SPECC1: variants seen among roughly 807,000 people sequenced by gnomAD.
SPECC1 encodes sperm antigen with calponin homology and coiled-coil domains 1, also known as cytospin-B.
A neutral mutation model predicts 104.1 loss-of-function variants in SPECC1; 62 were observed. That is an observed-to-expected ratio of 0.60 (90% CI 0.49 to 0.74). The LOEUF is 0.74. Among genes scored for constraint, SPECC1 ranks in the 30% least tolerant of loss-of-function variants. SPECC1 has a pLI of 0.00. For synonymous variants in SPECC1, 513 were observed against 501.6 expected (o/e 1.02, Z -0.30); for missense variants, 1,306 against 1,310.5 (o/e 1.00, Z 0.05).
At position 20,089,283 on chromosome 17, in the gene SPECC1, A is replaced by G. The variant is rs577102792; in HGVS notation, c.-21-7348A>G. Reference sequence around the variant, plus strand: ...TGAAAGAAGACGAAGGAAAATGATGAACATGGTGCCAGTCTCTTAGTTGGT... The same window carrying G: ...TGAAAGAAGACGAAGGAAAATGATGGACATGGTGCCAGTCTCTTAGTTGGT... On this transcript the variant is annotated intron_variant, in intron 1 of 14. Transcript: ENST00000395527. Among the ~76,000 whole-genome samples the G allele has an allele frequency of 2.0e-5, 3 of 151,194 alleles. No individual in the cohort carries two copies. In the South Asian group the frequency reaches 6.2e-4, roughly 31 times the overall value.
At chr17:20,025,576 T>A (rs2044567873) in intron 1 of SPECC1, among the ~76,000 whole-genome samples, 1 of 152,218 alleles carries the variant, frequency 6.6e-6, no homozygotes, top group African/African-American at 2.4e-5. Context: ...TATTCTAGTG[T>A]ATGGATAATA....
chr17:20,265,365 G>A (rs962826939), intron 12 of SPECC1, among the ~76,000 whole-genome samples: 14 of 152,196 alleles, frequency 9.2e-5, no homozygotes, highest in African/African-American at 3.4e-4. Context: ...GATTAGGGAT[G>A]TTGAGCGTGT....
intron 3 of SPECC1, among the ~76,000 whole-genome samples, chr17:20,158,757 T>C (rs929168524): frequency 4.6e-5 from 7 of 152,148 alleles, no homozygotes; most frequent in African/African-American, 1.4e-4. Context: ...AGTTCGGTTT[T>C]TTTTGTTCTG....
intron 3 of SPECC1, among the ~76,000 whole-genome samples, chr17:20,183,546 T>C (rs1160702271): frequency 6.6e-6 from 1 of 152,196 alleles, no homozygotes; most frequent in Admixed American, 6.5e-5. Flanking sequence ...GAATCTCCTA[T>C]GGATACTAAC....
At chr17:20,040,080 A>C (rs2045259996) in intron 1 of SPECC1, among the ~76,000 whole-genome samples, 1 of 151,812 alleles carries the variant, frequency 6.6e-6, no homozygotes, top group Non-Finnish European at 1.5e-5. Context: ...TTCCATTTCA[A>C]TTTATCTAAA....
rs748292112 is a variant in SPECC1, at chr17:20,205,311, T to C, written c.1262T>C (p.Ile421Thr). 2.5e-6 allele frequency: 4 copies of C among 1,614,110 alleles called. No individual in the cohort carries two copies. The highest frequency in any genetic ancestry group is 3.4e-6 in the Non-Finnish European group (4 of 1,180,024). ...GAGAAGCTGGTGGATGAAAAGACGA[T>C]TTTAGAGACATCCTTTCATCAGCAT... ...ENEKLVDEKT[I>T]LETSFHQHRE... Residue 421 changes from isoleucine to threonine, a missense_variant, in exon 4 of 15, where the codon ATT (isoleucine) becomes ACT (threonine). Physicochemically the swap from Ile to Thr is moderately conservative, Grantham distance 89 (BLOSUM62 -1). Transcript: ENST00000395527.
In SPECC1 at chr17:20,193,518, A is replaced by AACTTCTATAACTCC. The variant is rs200024925; in HGVS notation, c.284-10815_284-10814insACTTCTATAACTCC. On this transcript the variant is annotated intron_variant, in intron 3 of 14. Transcript: ENST00000395527. ...CTTCAGGCTGAATAGAGGTGATGAT[A>AACTTCTATAACTCC]TTCCTGCCTGACTATTAGGGTCTCT... Among the ~76,000 whole-genome samples the AACTTCTATAACTCC allele has an allele frequency of 2.9e-3, 445 of 152,316 alleles. 17 individuals are homozygous for AACTTCTATAACTCC. The East Asian group carries it at 0.083, about 28-fold the overall frequency.
chr17:20,145,338 G>A (rs978716267), intron 3 of SPECC1, among the ~76,000 whole-genome samples: 4 of 152,204 alleles, frequency 2.6e-5, no homozygotes, highest in African/African-American at 4.8e-5. Flanking sequence ...TTGTAACACT[G>A]AGGAAGTGTG....
At position 20,056,527 on chromosome 17, in the gene SPECC1, A is replaced by G. The variant is rs545882220; in HGVS notation, c.-21-40104A>G. The stretch of plus-strand genomic sequence containing the variant: ...TGTGCTTCAAGGGATTAGGAAGCCT[A>G]AAAAATGAGATCAATACAGGAGACC... On this transcript the variant is annotated intron_variant, in intron 1 of 14. Coordinates refer to ENST00000395527, the MANE Select transcript of SPECC1 (RefSeq NM_001243439.2). 19 of 216,212 alleles carry G rather than the reference A, an allele frequency of 8.8e-5. No individual in the cohort carries two copies. The South Asian group carries it at 1.3e-3, about 15-fold the overall frequency. 13.4% of individuals were successfully genotyped at this position (216,212 alleles called of 1,614,324 possible).
intron 7 of SPECC1, among the ~76,000 whole-genome samples, chr17:20,244,561 G>C (rs564877400): frequency 6.6e-6 from 1 of 152,030 alleles, no homozygotes; most frequent in Non-Finnish European, 1.5e-5. Flanking sequence ...ACTGTTTTAA[G>C]TTCTGTTTCT....
At chr17:20,192,116 T>C (rs149282378) in intron 3 of SPECC1, among the ~76,000 whole-genome samples, 18 of 152,070 alleles carry the variant, frequency 1.2e-4, no homozygotes, top group Non-Finnish European at 5.9e-5. Context: ...TTTGATTTTT[T>C]TGATGAGACG....
chr17:20,016,475 C>A (rs1424558546), intron 1 of SPECC1, among the ~76,000 whole-genome samples: 1 of 152,044 alleles, frequency 6.6e-6, no homozygotes, highest in Non-Finnish European at 1.5e-5. Flanking sequence ...GGGAGAGGCG[C>A]GGGCGGGAAC....
chr17:20,240,774 T>C (rs552544007), intron 7 of SPECC1, among the ~76,000 whole-genome samples: 1 of 152,362 alleles, frequency 6.6e-6, no homozygotes, highest in South Asian at 2.1e-4. Flanking sequence ...ATTCATAGAT[T>C]ATTAGATTGC....
chr17:20,245,987 T>G lies in SPECC1; in HGVS notation c.2413T>G (p.Cys805Gly), dbSNP rs1298938129. 6.2e-7 allele frequency: 1 copy of G among 1,614,184 alleles called. No individual in the cohort carries two copies. The highest frequency in any genetic ancestry group is 1.7e-5 in the Admixed American group (1 of 60,028). Reference sequence around the variant, plus strand: ...TGCTGCTGGTCGGTGGCCTGGTGTCTGTGTTAGCAGAACATCTCCAACACC... The same window carrying G: ...TGCTGCTGGTCGGTGGCCTGGTGTCGGTGTTAGCAGAACATCTCCAACACC... ...VDAAGRWPGV[C>G]VSRTSPTPPE... is the part of the protein sequence containing the mutation. The change falls in exon 8 of 15, where the codon TGT becomes GGT. Residue 805 changes from cysteine to glycine, a missense_variant. Physicochemically the swap from Cys to Gly is radical, Grantham distance 159. Transcript: ENST00000395527.
chr17:20,049,253 A>G (rs1275723422), intron 1 of SPECC1, among the ~76,000 whole-genome samples: 1 of 152,184 alleles, frequency 6.6e-6, no homozygotes, highest in African/African-American at 2.4e-5. Flanking sequence ...AATTTTTGCC[A>G]TTCTAATAGG....
intron 3 of SPECC1, among the ~76,000 whole-genome samples, chr17:20,190,660 G>T (rs1378492831): frequency 6.6e-6 from 1 of 152,110 alleles, no homozygotes; most frequent in Admixed American, 6.5e-5. Flanking sequence ...TTACATTGAG[G>T]TTCACTCTTG....
chr17:20,211,841 G>A (rs1328671283), intron 4 of SPECC1, among the ~76,000 whole-genome samples: 2 of 152,188 alleles, frequency 1.3e-5, no homozygotes, highest in Non-Finnish European at 2.9e-5. Flanking sequence ...GCTTCCCTGC[G>A]ATGGACTTGT....
At chr17:20,145,316 G>A (rs1014433648) in intron 3 of SPECC1, among the ~76,000 whole-genome samples, 2 of 152,204 alleles carry the variant, frequency 1.3e-5, no homozygotes, top group South Asian at 2.1e-4. Context: ...AGACCACACC[G>A]GATTCGCTGG....
chr17:20,133,844 A>G (rs985401776), intron 3 of SPECC1, among the ~76,000 whole-genome samples: 2 of 152,160 alleles, frequency 1.3e-5, no homozygotes, highest in Non-Finnish European at 2.9e-5. Context: ...CGTATTCCCA[A>G]CCAGACCAGT....
Sources: allele counts gnomAD v4.1 joint callset (sites outside exome capture counted in the v4.1 genomes callset), GRCh38; gene constraint gnomAD v4.1.1; transcripts MANE v1.5; gene names NCBI Gene and HGNC (gene_info 2026-07-23, HGNC 2026-07-21).